The following ATP10D variants were observed in gnomAD, a reference collection of about 807,000 sequenced individuals.
The protein encoded by ATP10D is phospholipid-transporting ATPase VD.
Under a neutral mutation model 144.8 loss-of-function variants are expected in ATP10D, and 89 were observed. That is an observed-to-expected ratio of 0.61 (90% CI 0.52 to 0.73). The LOEUF (loss-of-function observed/expected upper bound fraction) is 0.73, where lower values mean the gene tolerates loss of function less well. Ranked by LOEUF, ATP10D falls within the 30% of genes least tolerant of loss-of-function variation. ATP10D has a pLI of 0.00. For synonymous variants in ATP10D, 571 were observed against 615.1 expected (o/e 0.93, Z 1.06); for missense variants, 1,603 against 1,714.8 (o/e 0.93, Z 1.15).
chr4:47,559,037 TGCTTAGTGC>T lies in ATP10D; in HGVS notation c.2541+12_2541+20del, dbSNP rs1307917939. 2.5e-6 allele frequency: 4 copies of T among 1,600,084 alleles called. No homozygotes were observed. In the African/African-American group the frequency reaches 5.4e-5, roughly 21 times the overall value. On this transcript the variant is annotated intron_variant, in intron 13 of 22. Coordinates refer to ENST00000273859, the MANE Select transcript of ATP10D (RefSeq NM_020453.4). Reference sequence around the variant, plus strand: ...TTATGTATAGCAAAGAAGGTGAGACTGCTTAGTGCGCTCCATCTTTTTTGTTTTTTCCCT... The same window carrying T: ...TTATGTATAGCAAAGAAGGTGAGACTGCTCCATCTTTTTTGTTTTTTCCCT...
At chr4:47,506,095 A>G (rs1041028635) in intron 1 of ATP10D, among the ~76,000 whole-genome samples, 2 of 152,218 alleles carry the variant, frequency 1.3e-5, no homozygotes, top group Non-Finnish European at 2.9e-5. Flanking sequence ...ACATTCTGTT[A>G]GTGATGGAGT....
chr4:47,586,002 G>T (rs1049586647), intron 21 of ATP10D, among the ~76,000 whole-genome samples: 1 of 152,166 alleles, frequency 6.6e-6, no homozygotes, highest in African/African-American at 2.4e-5. Context: ...TTTCTTTTGG[G>T]TGTACAACCA....
At chr4:47,503,137 G>A (rs1715804373) in intron 1 of ATP10D, among the ~76,000 whole-genome samples, 1 of 152,212 alleles carries the variant, frequency 6.6e-6, no homozygotes. Flanking sequence ...GGGAGGCAGA[G>A]TTTGCAGTGA....
chr4:47,591,464 G>T lies in ATP10D; in HGVS notation c.*83G>T. The T allele has an allele frequency of 8.1e-7, 1 of 1,233,372 alleles. No individual in the cohort carries two copies. The highest frequency in any genetic ancestry group is 1.1e-6 in the Non-Finnish European group (1 of 889,288). The allele number at this position is 1,233,372 out of a possible 1,614,324, so 76.4% of individuals were successfully genotyped here. ...GTATCTCTCCAAGCAAGAATGACTT[G>T]TTTTTCCATAAGGGACATGAGCATT... On this transcript the variant is annotated 3_prime_UTR_variant, in exon 23 of 23. Coordinates refer to ENST00000273859, the MANE Select transcript of ATP10D (RefSeq NM_020453.4).
Position 47,512,766 on chromosome 4 carries a change from A to G in ATP10D, c.226A>G (p.Ile76Val), listed in dbSNP as rs760552115. The G allele has an allele frequency of 1.9e-6, 3 of 1,613,972 alleles. No homozygotes were observed. Among genetic ancestry groups the G allele is most frequent in the Middle Eastern group, 1.6e-4 (1 of 6,084 alleles). ...KFSGAYVNNRIRTTKYTLLNF... is the reference protein window; with the variant it reads ...KFSGAYVNNRVRTTKYTLLNF... Reference sequence around the variant, plus strand: ...CTCCGGAGCCTATGTGAACAATCGAATACGAACAACAAAGTACACACTTCT... The same window carrying G: ...CTCCGGAGCCTATGTGAACAATCGAGTACGAACAACAAAGTACACACTTCT... Residue 76 changes from isoleucine to valine, a missense_variant, in exon 2 of 23, where the codon ATA becomes GTA. Transcript: ENST00000273859.
At chr4:47,516,951 G>A (rs1195363611) in intron 3 of ATP10D, among the ~76,000 whole-genome samples, 2 of 152,072 alleles carry the variant, frequency 1.3e-5, no homozygotes, top group African/African-American at 2.4e-5. Context: ...TAAAATATCG[G>A]TACAGTCTCT....
chr4:47,538,738 T>C (rs1577661568), intron 9 of ATP10D, among the ~76,000 whole-genome samples: 1 of 152,322 alleles, frequency 6.6e-6, no homozygotes, highest in East Asian at 1.9e-4. Context: ...CCTTGCATTC[T>C]TGCTGCTGTC....
At chr4:47,505,441 T>C (rs1184036474) in intron 1 of ATP10D, among the ~76,000 whole-genome samples, 4 of 152,092 alleles carry the variant, frequency 2.6e-5, no homozygotes, top group Admixed American at 1.3e-4. Context: ...GTGAGGTTCA[T>C]GGCCAAGTGT....
intron 6 of ATP10D, 30 bp downstream of exon 6, chr4:47,535,645 A>G (rs1019316106): frequency 7.6e-6 from 12 of 1,568,870 alleles, no homozygotes; most frequent in Non-Finnish European, 1.0e-5. Context: ...TTCATTGTCT[A>G]CTCTGTGCTT....
Position 47,525,697 on chromosome 4 carries a change from C to T in ATP10D, c.776+55C>T, listed in dbSNP as rs766419170. The T allele has an allele frequency of 1.7e-5, 24 of 1,389,548 alleles. No individual in the cohort carries two copies. The Admixed American group carries it at 2.4e-4, about 14-fold the overall frequency. 86.1% of individuals were successfully genotyped at this position (1,389,548 alleles called of 1,614,324 possible). The stretch of plus-strand genomic sequence containing the variant: ...TGTAAGTGGAATTGTGTGTTGCAAT[C>T]GTACTTAATTTGATAAAGTGTTTCT... On this transcript the variant is annotated intron_variant, in intron 5 of 22. Transcript: ENST00000273859.
At chr4:47,556,873 T>C (rs937822084) in intron 11 of ATP10D, 5 of 152,104 alleles carry the variant, frequency 3.3e-5, no homozygotes, top group African/African-American at 1.2e-4. Context: ...GAAACCAGGG[T>C]ACAAATAAGA....
chr4:47,588,104 A>G (rs10023815), intron 22 of ATP10D, among the ~76,000 whole-genome samples: 2,880 of 152,290 alleles, frequency 0.019, 95 homozygotes, highest in African/African-American at 0.066. Context: ...AGTCTCTACT[A>G]CAATCTGTAA....
chr4:47,530,593 T>G (rs1392504505), intron 5 of ATP10D, among the ~76,000 whole-genome samples: 1 of 152,028 alleles, frequency 6.6e-6, no homozygotes, highest in Non-Finnish European at 1.5e-5. Context: ...GTAGCTGGGA[T>G]TATAGACACG....
intron 2 of ATP10D, among the ~76,000 whole-genome samples, chr4:47,513,961 A>C (rs536465736): frequency 6.6e-6 from 1 of 152,346 alleles, no homozygotes; most frequent in African/African-American, 2.4e-5. Context: ...GATCTCTTAC[A>C]GATACTGTGG....
chr4:47,570,495 T>C (rs1719894909), intron 16 of ATP10D, among the ~76,000 whole-genome samples: 1 of 152,140 alleles, frequency 6.6e-6, no homozygotes, highest in African/African-American at 2.4e-5. Context: ...GATATAAATT[T>C]GAGAATCAGA....
intron 1 of ATP10D, among the ~76,000 whole-genome samples, chr4:47,497,866 G>GA: frequency 6.6e-6 from 1 of 152,244 alleles, no homozygotes; most frequent in East Asian, 1.9e-4. Flanking sequence ...TATTTAGTTG[G>GA]ATATTAACAT....
chr4:47,494,171 TTAAAC>T (rs1715230131), intron 1 of ATP10D, among the ~76,000 whole-genome samples: 1 of 152,160 alleles, frequency 6.6e-6, no homozygotes, highest in Non-Finnish European at 1.5e-5. Flanking sequence ...AAAAACAGAA[TTAAAC>T]TAAACTTTTG....
chr4:47,580,131 A>G (rs1720436479), intron 19 of ATP10D, among the ~76,000 whole-genome samples: 1 of 152,220 alleles, frequency 6.6e-6, no homozygotes, highest in Admixed American at 6.5e-5. Flanking sequence ...AGTTAGTACT[A>G]CCGGCTGTAT....
intron 3 of ATP10D, among the ~76,000 whole-genome samples, chr4:47,521,352 A>C (rs534552580): frequency 6.6e-6 from 1 of 152,296 alleles, no homozygotes; most frequent in East Asian, 1.9e-4. Flanking sequence ...CACGTTAGGA[A>C]CCATAGTGTC....
Sources: allele counts gnomAD v4.1 joint callset (sites outside exome capture counted in the v4.1 genomes callset), GRCh38; gene constraint gnomAD v4.1.1; transcripts MANE v1.5; gene names NCBI Gene and HGNC (gene_info 2026-07-23, HGNC 2026-07-21).